PLCB1: variants seen among roughly 807,000 people sequenced by gnomAD.
PLCB1 encodes the protein 1-phosphatidylinositol 4,5-bisphosphate phosphodiesterase beta-1.
Under a neutral mutation model 161.8 loss-of-function variants are expected in PLCB1, and 46 were observed. The ratio of observed to expected loss-of-function variants is 0.28; its 90% CI spans 0.22 to 0.36. The LOEUF (loss-of-function observed/expected upper bound fraction) is 0.36. Ranked by LOEUF, PLCB1 falls within the 10% of genes least tolerant of loss-of-function variation. The pLI is 1.00. For missense variants in PLCB1, 1,016 were observed against 1,472.5 expected, an observed-to-expected ratio of 0.69 and a Z score of 5.07; for synonymous variants, 517 against 503.7, an observed-to-expected ratio of 1.03 and a Z score of -0.35.
At chr20:8,732,835 A>T (rs566440126) in intron 18 of PLCB1, among the ~76,000 whole-genome samples, 156 of 132,960 alleles carry the variant, frequency 1.2e-3, no homozygotes, top group African/African-American at 3.7e-3. Flanking sequence ...TATATACTAT[A>T]TTTATATATA....
At chr20:8,168,452 G>A (rs1292023686) in intron 2 of PLCB1, among the ~76,000 whole-genome samples, 2 of 152,122 alleles carry the variant, frequency 1.3e-5, no homozygotes, top group Non-Finnish European at 2.9e-5. Context: ...GCTGCAGTGA[G>A]GTGGGTGTCT....
At chr20:8,151,899 A>G (rs1022590181) in intron 2 of PLCB1, among the ~76,000 whole-genome samples, 1 of 152,176 alleles carries the variant, frequency 6.6e-6, no homozygotes, top group Non-Finnish European at 1.5e-5. Context: ...GCTCCCCTCT[A>G]GACCAATCAT....
intron 2 of PLCB1, among the ~76,000 whole-genome samples, chr20:8,194,968 A>G (rs1183137167): frequency 6.6e-6 from 1 of 152,054 alleles, no homozygotes; most frequent in East Asian, 1.9e-4. Context: ...AGACTGAGGA[A>G]GCAAACAAAT....
At chr20:8,396,499 A>G (rs1426198969) in intron 3 of PLCB1, among the ~76,000 whole-genome samples, 1 of 152,036 alleles carries the variant, frequency 6.6e-6, no homozygotes, top group Admixed American at 6.6e-5. Context: ...AGAAAAACCA[A>G]TTATTTTAGA....
chr20:8,704,317 G>A (rs1396468192), intron 11 of PLCB1, among the ~76,000 whole-genome samples: 1 of 150,792 alleles, frequency 6.6e-6, no homozygotes, highest in Non-Finnish European at 1.5e-5. Context: ...TCATGCTACA[G>A]CACTCCAGCC....
At chr20:8,240,279 GACACACAC>G (rs10683042) in intron 2 of PLCB1, among the ~76,000 whole-genome samples, 29 of 149,516 alleles carry the variant, frequency 1.9e-4, no homozygotes, top group East Asian at 6.0e-4. Flanking sequence ...TCATGATATT[GACACACAC>G]ACACACACAC....
intron 3 of PLCB1, among the ~76,000 whole-genome samples, chr20:8,478,649 A>C (rs1982378250): frequency 6.6e-6 from 1 of 152,148 alleles, no homozygotes; most frequent in Non-Finnish European, 1.5e-5. Flanking sequence ...AATTCTTCTT[A>C]TTCTAATTAA....
chr20:8,202,813 A>G (rs529754511), intron 2 of PLCB1, among the ~76,000 whole-genome samples: 8 of 152,282 alleles, frequency 5.3e-5, no homozygotes, highest in Admixed American at 1.3e-4. Flanking sequence ...GTGTCGAGGG[A>G]GCACAGGGAT....
At chr20:8,508,150 A>G (rs1983717734) in intron 3 of PLCB1, among the ~76,000 whole-genome samples, 1 of 152,160 alleles carries the variant, frequency 6.6e-6, no homozygotes, top group African/African-American at 2.4e-5. Context: ...GGGCTGATCA[A>G]GGGGGAGTAA....
chr20:8,585,602 G>A (rs898060912), intron 3 of PLCB1, among the ~76,000 whole-genome samples: 3 of 152,046 alleles, frequency 2.0e-5, no homozygotes, highest in Non-Finnish European at 4.4e-5. Flanking sequence ...AATATATCAC[G>A]TTTTTACCCC....
chr20:8,447,385 C>T (rs1342285656), intron 3 of PLCB1, among the ~76,000 whole-genome samples: 7 of 152,162 alleles, frequency 4.6e-5, no homozygotes, highest in African/African-American at 1.7e-4. Context: ...TGGGAATACT[C>T]ATTAAGTGAA....
intron 23 of PLCB1, among the ~76,000 whole-genome samples, chr20:8,754,715 A>G (rs1028367): frequency 0.35 from 53,754 of 152,062 alleles, 9,753 homozygotes; most frequent in South Asian, 0.49. Context: ...AAGCCAAAGA[A>G]CCACCCACTG....
Position 8,197,337 on chromosome 20 carries a change from T to G in PLCB1, c.177+46966T>G, listed in dbSNP as rs940871298. On this transcript the variant is annotated intron_variant, in intron 2 of 31. Coordinates refer to ENST00000338037, the MANE Select transcript of PLCB1 (RefSeq NM_015192.4). ...CTCCAGCACCTGTTGTTTCCTGACT[T>G]TTTAATGATTGCCATTCTAACTGGT... Among the ~76,000 whole-genome samples, 10 of 152,302 alleles carry G rather than the reference T, an allele frequency of 6.6e-5. No homozygotes were observed. The South Asian group carries it at 1.0e-3, about 16-fold the overall frequency.
chr20:8,845,713 G>T (rs6140764), intron 31 of PLCB1, among the ~76,000 whole-genome samples: 1 of 151,792 alleles, frequency 6.6e-6, no homozygotes, highest in Non-Finnish European at 1.5e-5. Flanking sequence ...GAAGATTTTA[G>T]CATATCCCTC....
intron 3 of PLCB1, among the ~76,000 whole-genome samples, chr20:8,550,144 T>C (rs1365402600): frequency 1.3e-5 from 2 of 152,210 alleles, no homozygotes; most frequent in Admixed American, 6.5e-5. Flanking sequence ...GGGACTTGCC[T>C]TATTTCAGAT....
intron 2 of PLCB1, among the ~76,000 whole-genome samples, chr20:8,298,516 T>G (rs1983743387): frequency 6.6e-6 from 1 of 151,998 alleles, no homozygotes; most frequent in Non-Finnish European, 1.5e-5. Flanking sequence ...ACTGACATGC[T>G]TTAAAGTAAA....
intron 31 of PLCB1, among the ~76,000 whole-genome samples, chr20:8,827,570 C>T (rs1985765785): frequency 6.6e-6 from 1 of 152,220 alleles, no homozygotes; most frequent in African/African-American, 2.4e-5. Flanking sequence ...TTCAGTTTCT[C>T]AGTCACACTA....
intron 31 of PLCB1, among the ~76,000 whole-genome samples, chr20:8,793,148 A>G (rs1418992332): frequency 6.6e-6 from 1 of 152,250 alleles, no homozygotes; most frequent in Admixed American, 6.5e-5. Context: ...GATCAATAGT[A>G]TCTCTAAAAC....
chr20:8,549,509 C>A (rs1985697744), intron 3 of PLCB1, among the ~76,000 whole-genome samples: 1 of 152,166 alleles, frequency 6.6e-6, no homozygotes, highest in South Asian at 2.1e-4. Flanking sequence ...GTGTTGAGGG[C>A]AGGACCAGGT....
Sources: gnomAD v4.1 joint callset for allele counts (sites outside exome capture counted in the v4.1 genomes callset) on GRCh38, gnomAD v4.1.1 for gene constraint, MANE v1.5 for transcripts, NCBI Gene and HGNC (gene_info 2026-07-23, HGNC 2026-07-21) for gene names.